The following DLGAP1 variants were observed in gnomAD, a reference collection of about 807,000 sequenced individuals.
DLGAP1 encodes disks large-associated protein 1.
DLGAP1 carries 11 observed loss-of-function variants against 90.8 expected under a neutral mutation model. The observed-to-expected ratio is 0.12, with a 90% CI of 0.08 to 0.20. The LOEUF (loss-of-function observed/expected upper bound fraction) is 0.20, where lower values mean the gene tolerates loss of function less well. Among genes scored for constraint, DLGAP1 ranks in the 10% least tolerant of loss-of-function variants. The probability of loss-of-function intolerance (pLI) is 1.00; values close to 1 mark genes in which losing one functional copy is unlikely to be tolerated. For synonymous variants in DLGAP1, 558 were observed against 540.7 expected (o/e 1.03, Z -0.44); for missense variants, 1,050 against 1,333.8 (o/e 0.79, Z 3.31).
At chr18:3,639,048 C>T (rs2058826662) in intron 7 of DLGAP1, among the ~76,000 whole-genome samples, 1 of 152,154 alleles carries the variant, frequency 6.6e-6, no homozygotes, top group Non-Finnish European at 1.5e-5. Flanking sequence ...GCTTTTTACC[C>T]TCGTCGGTTT....
In DLGAP1 at chr18:3,879,037, C is replaced by A. The variant is rs921233852; in HGVS notation, c.957+75G>T. 1 of 1,282,168 alleles carries A rather than the reference C, an allele frequency of 7.8e-7. No individual in the cohort carries two copies. Among genetic ancestry groups the A allele is most frequent in the African/African-American group, 1.5e-5 (1 of 66,682 alleles). 79.4% of individuals were successfully genotyped at this position (1,282,168 alleles called of 1,614,324 possible). ...TAGACAATTCAGAGTAGTGCCAAGA[C>A]TAGAACCAGGAGAAATGCCCACACA... On this transcript the variant is annotated intron_variant, in intron 4 of 12. Coordinates refer to ENST00000315677, the MANE Select transcript of DLGAP1 (RefSeq NM_004746.4). The surrounding 1 kb of genome is among the most constrained non-coding windows in gnomAD (Gnocchi z 6.6).
At chr18:4,159,842 G>A (rs901902865) in intron 1 of DLGAP1, among the ~76,000 whole-genome samples, 1 of 152,134 alleles carries the variant, frequency 6.6e-6, no homozygotes, top group African/African-American at 2.4e-5. Context: ...TCTCTTGTTT[G>A]TACTTTTTTT....
intron 3 of DLGAP1, among the ~76,000 whole-genome samples, chr18:4,004,743 A>G (rs1390135204): frequency 6.6e-6 from 1 of 152,232 alleles, no homozygotes; most frequent in African/African-American, 2.4e-5. Context: ...AACAAGGCAC[A>G]TTTAAGAGGT....
chr18:3,855,110 A>G (rs2069558544), intron 4 of DLGAP1, among the ~76,000 whole-genome samples: 1 of 152,200 alleles, frequency 6.6e-6, no homozygotes, highest in Non-Finnish European at 1.5e-5. Context: ...ACGCAGCCAT[A>G]AAAAAGAATG....
At chr18:4,368,680 C>CAT (rs2081839884) in intron 1 of DLGAP1, among the ~76,000 whole-genome samples, 1 of 135,270 alleles carries the variant, frequency 7.4e-6, no homozygotes, top group Non-Finnish European at 1.6e-5. Flanking sequence ...CACACACACA[C>CAT]ACATCCTATT....
In DLGAP1 at chr18:3,639,840, C is replaced by T. The variant is rs1027546196; in HGVS notation, c.1592-57592G>A. On this transcript the variant is annotated intron_variant, in intron 7 of 12. Coordinates refer to ENST00000315677, the MANE Select transcript of DLGAP1 (RefSeq NM_004746.4). ...CGCGATCTCGGCTCACTGCAAGCTC[C>T]GCCTCCTGGGTTCACGCCATTCTCC... 4.3e-5 allele frequency among the ~76,000 whole-genome samples: 6 copies of T among 138,618 alleles called. 1 individual carries two copies. The highest frequency in any genetic ancestry group is 7.7e-5 in the Non-Finnish European group (5 of 65,028). The allele number at this position is 138,618 out of a possible 152,430, so 90.9% of individuals were successfully genotyped here.
At chr18:3,706,053 C>G (rs2061423788) in intron 7 of DLGAP1, among the ~76,000 whole-genome samples, 1 of 147,456 alleles carries the variant, frequency 6.8e-6, no homozygotes. Flanking sequence ...GCTGGATTGC[C>G]CAGGCGCAAT....
intron 7 of DLGAP1, among the ~76,000 whole-genome samples, chr18:3,725,634 T>A (rs1261608108): frequency 6.6e-6 from 1 of 152,228 alleles, no homozygotes. Flanking sequence ...GTGGTTTATA[T>A]GAAAACTTGT....
At chr18:4,394,229 C>T (rs149700841) in intron 1 of DLGAP1, among the ~76,000 whole-genome samples, 3 of 152,236 alleles carry the variant, frequency 2.0e-5, no homozygotes, top group African/African-American at 4.8e-5. Context: ...CTTGAAAAAA[C>T]GTATTCATTT....
At chr18:3,506,763 T>C (rs1412523323) in intron 11 of DLGAP1, among the ~76,000 whole-genome samples, 1 of 152,224 alleles carries the variant, frequency 6.6e-6, no homozygotes, top group Non-Finnish European at 1.5e-5. Context: ...AACACGGCTT[T>C]ATATAAGCTT....
chr18:3,754,646 G>A (rs1158052096), intron 5 of DLGAP1, among the ~76,000 whole-genome samples: 2 of 150,254 alleles, frequency 1.3e-5, no homozygotes, highest in Non-Finnish European at 2.9e-5. Flanking sequence ...CTGGGAGGCC[G>A]AGGCAGGTGG....
chr18:3,576,858 G>C (rs533997162), intron 8 of DLGAP1, among the ~76,000 whole-genome samples: 1 of 143,358 alleles, frequency 7.0e-6, no homozygotes, highest in Non-Finnish European at 1.5e-5. Context: ...GAGCCACTAC[G>C]CCCGGCCTTT....
At chr18:3,933,593 A>C (rs1336084011) in intron 3 of DLGAP1, among the ~76,000 whole-genome samples, 3 of 152,232 alleles carry the variant, frequency 2.0e-5, no homozygotes, top group Non-Finnish European at 2.9e-5. Flanking sequence ...CAGAAAAATA[A>C]CACAGCAGCT....
intron 4 of DLGAP1, among the ~76,000 whole-genome samples, chr18:3,847,985 C>T (rs910398881): frequency 1.3e-5 from 2 of 151,322 alleles, no homozygotes; most frequent in Non-Finnish European, 2.9e-5. Context: ...AAAAATTAAC[C>T]AGGTAAAATT....
intron 5 of DLGAP1, 49 bp from the exon 6 acceptor site, chr18:3,742,561 G>A (rs2063100311): frequency 6.2e-7 from 1 of 1,601,598 alleles, no homozygotes; most frequent in African/African-American, 1.3e-5. Context: ...CCAAAATGCA[G>A]GAAGCAATAA....
At chr18:4,202,112 TGTGTGC>T (rs2077619360) in intron 1 of DLGAP1, among the ~76,000 whole-genome samples, 1 of 151,936 alleles carries the variant, frequency 6.6e-6, no homozygotes, top group Non-Finnish European at 1.5e-5. Flanking sequence ...GAAACTGTGG[TGTGTGC>T]GTGTGTGTGT....
At chr18:3,687,930 AG>A (rs1369388812) in intron 7 of DLGAP1, among the ~76,000 whole-genome samples, 2 of 147,232 alleles carry the variant, frequency 1.4e-5, no homozygotes, top group Non-Finnish European at 1.5e-5. Flanking sequence ...TTTTTGAGAC[AG>A]GGTCTCGCTC....
At position 3,990,446 on chromosome 18, in the gene DLGAP1, G is replaced by C. The variant is rs867403892; in HGVS notation, c.-73+14670C>G. On this transcript the variant is annotated intron_variant, in intron 3 of 12. Coordinates refer to ENST00000315677, the MANE Select transcript of DLGAP1 (RefSeq NM_004746.4). Reference sequence around the variant, plus strand: ...GGGAATCGAACAATGAGAACACATGGACACAGGAAGGGGAACATCACACTC... The same window carrying C: ...GGGAATCGAACAATGAGAACACATGCACACAGGAAGGGGAACATCACACTC... Among the ~76,000 whole-genome samples the C allele has an allele frequency of 1.9e-4, 26 of 139,268 alleles. No individual in the cohort carries two copies. The Middle Eastern group carries it at 0.011, about 61-fold the overall frequency. The allele number at this position is 139,268 out of a possible 152,430, so 91.4% of individuals were successfully genotyped here.
At chr18:4,424,419 T>A (rs987941694) in intron 1 of DLGAP1, among the ~76,000 whole-genome samples, 1 of 152,230 alleles carries the variant, frequency 6.6e-6, no homozygotes, top group Non-Finnish European at 1.5e-5. Context: ...CTCCTCTATT[T>A]CTGATTTTTA....
Sources: gnomAD v4.1 joint callset for allele counts (sites outside exome capture counted in the v4.1 genomes callset) on GRCh38, gnomAD v4.1.1 for gene constraint, Gnocchi (gnomAD v3.1) non-coding constraint, MANE v1.5 for transcripts, NCBI Gene and HGNC (gene_info 2026-07-23, HGNC 2026-07-21) for gene names.